Variants in PBX1 observed in about 807,000 individuals in gnomAD.
PBX1 encodes the protein pre-B-cell leukemia transcription factor 1.
Under a neutral mutation model 53.4 loss-of-function variants are expected in PBX1, and 6 were observed. That is an observed-to-expected ratio of 0.11 (90% confidence interval 0.06 to 0.22). PBX1 has a LOEUF of 0.22. PBX1 is among the 10% of genes least tolerant of loss of function. PBX1 has a pLI of 1.00. For missense variants in PBX1, 251 were observed against 551.4 expected, an observed-to-expected ratio of 0.46 and a Z score of 5.46; for synonymous variants, 204 against 212.3, an observed-to-expected ratio of 0.96 and a Z score of 0.34.
intron 2 of PBX1, among the ~76,000 whole-genome samples, chr1:164,634,378 G>T (rs528705216): frequency 1.3e-5 from 2 of 152,284 alleles, no homozygotes; most frequent in Admixed American, 1.3e-4. Flanking sequence ...CACCGATACA[G>T]GTAAGAGCTA....
At chr1:164,602,383 C>T (rs1363845816) in intron 2 of PBX1, among the ~76,000 whole-genome samples, 1 of 152,158 alleles carries the variant, frequency 6.6e-6, no homozygotes. Flanking sequence ...TGAATCTGGT[C>T]TCTACTTAAG....
At chr1:164,668,655 G>A (rs748131711) in intron 2 of PBX1, among the ~76,000 whole-genome samples, 11 of 152,104 alleles carry the variant, frequency 7.2e-5, no homozygotes, top group Non-Finnish European at 1.2e-4. Flanking sequence ...TTCCCCTTTC[G>A]CCTTACCTTC....
intron 2 of PBX1, among the ~76,000 whole-genome samples, chr1:164,741,928 T>C (rs1665635152): frequency 6.6e-6 from 1 of 152,148 alleles, no homozygotes; most frequent in South Asian, 2.1e-4. Flanking sequence ...GTAGATTTTT[T>C]TTTTAACATT....
intron 2 of PBX1, among the ~76,000 whole-genome samples, chr1:164,628,091 C>T (rs1029928966): frequency 1.3e-5 from 2 of 152,018 alleles, no homozygotes; most frequent in Non-Finnish European, 2.9e-5. Flanking sequence ...TTTATGAGTA[C>T]CTGACTTGGA....
intron 2 of PBX1, among the ~76,000 whole-genome samples, chr1:164,694,618 C>T (rs910750035): frequency 1.3e-5 from 2 of 152,162 alleles, no homozygotes; most frequent in Non-Finnish European, 2.9e-5. Context: ...TCATCAATCC[C>T]CATCCACAAC....
Position 164,670,920 on chromosome 1 carries a change from G to A in PBX1, c.265+107609G>A, listed in dbSNP as rs1463405032. ...AGCAGTGCCTTATCTAATGCAAATG[G>A]AGAAAATGCAGTTTCTGGTAAGTGT... On this transcript the variant is annotated intron_variant, in intron 2 of 8. Transcript: ENST00000420696. Among the ~76,000 whole-genome samples, 6 of 152,258 alleles carry A rather than the reference G, an allele frequency of 3.9e-5. No individual in the cohort carries two copies. The South Asian group carries it at 1.2e-3, about 32-fold the overall frequency.
At chr1:164,658,346 A>T (rs887538939) in intron 2 of PBX1, among the ~76,000 whole-genome samples, 13 of 152,294 alleles carry the variant, frequency 8.5e-5, no homozygotes, top group Admixed American at 7.8e-4. Context: ...AGCTCAACTG[A>T]TTGAAAACTG....
chr1:164,607,076 C>A (rs927114421), intron 2 of PBX1, among the ~76,000 whole-genome samples: 5 of 152,334 alleles, frequency 3.3e-5, no homozygotes, highest in Admixed American at 3.3e-4. Context: ...GTCATATGAT[C>A]TGCAGGGCCA....
At chr1:164,671,347 A>G (rs1303861658) in intron 2 of PBX1, among the ~76,000 whole-genome samples, 6 of 152,124 alleles carry the variant, frequency 3.9e-5, no homozygotes, top group Admixed American at 3.9e-4. Context: ...GTTGGTGGTA[A>G]TGGTCTCTCT....
rs150432726 is a variant in PBX1, at chr1:164,787,008, T to C, written c.266-5486T>C. On this transcript the variant is annotated intron_variant, in intron 2 of 8. Coordinates refer to ENST00000420696, the MANE Select transcript of PBX1 (RefSeq NM_002585.4). ...TATGAACAAATAAAAGGTATAACTC[T>C]GATGCTCTCAGGAAGCAAGCATTTT... is the stretch of plus-strand genomic sequence containing the variant. 3.5e-3 allele frequency among the ~76,000 whole-genome samples: 535 copies of C among 152,316 alleles called. 4 individuals are homozygous for C. Among genetic ancestry groups the C allele is most frequent in the Non-Finnish European group, 4.7e-3 (322 of 68,034 alleles).
intron 2 of PBX1, among the ~76,000 whole-genome samples, chr1:164,627,148 C>G (rs942367203): frequency 6.6e-6 from 1 of 152,134 alleles, no homozygotes. Flanking sequence ...AGAACTTCAG[C>G]AAAATGTACT....
At chr1:164,710,856 G>C (rs1324472869) in intron 2 of PBX1, among the ~76,000 whole-genome samples, 1 of 152,206 alleles carries the variant, frequency 6.6e-6, no homozygotes, top group African/African-American at 2.4e-5. Flanking sequence ...GAATATTGAT[G>C]AGAAGGATGA....
At chr1:164,748,616 C>T (rs1666027222) in intron 2 of PBX1, among the ~76,000 whole-genome samples, 1 of 152,154 alleles carries the variant, frequency 6.6e-6, no homozygotes, top group African/African-American at 2.4e-5. Flanking sequence ...ATTTCTATCG[C>T]AAGTTTCAAA....
chr1:164,739,952 A>T (rs1010631189), intron 2 of PBX1, among the ~76,000 whole-genome samples: 3 of 152,230 alleles, frequency 2.0e-5, no homozygotes, highest in African/African-American at 7.2e-5. Flanking sequence ...AAATAAAATG[A>T]AAATACACCT....
intron 2 of PBX1, among the ~76,000 whole-genome samples, chr1:164,595,727 CATCATT>C (rs1655710790): frequency 6.6e-6 from 1 of 152,072 alleles, no homozygotes. Flanking sequence ...TTATTATAAA[CATCATT>C]ATTATTTAGT....
At chr1:164,736,013 C>A (rs1472149968) in intron 2 of PBX1, among the ~76,000 whole-genome samples, 1 of 152,134 alleles carries the variant, frequency 6.6e-6, no homozygotes, top group Non-Finnish European at 1.5e-5. Context: ...AATCCTCCAT[C>A]TCCAGCAGAA....
intron 2 of PBX1, among the ~76,000 whole-genome samples, chr1:164,678,106 G>A (rs1423499706): frequency 6.6e-6 from 1 of 152,136 alleles, no homozygotes; most frequent in Non-Finnish European, 1.5e-5. Flanking sequence ...ATCATTGTGG[G>A]TTCTTGAACA....
intron 2 of PBX1, among the ~76,000 whole-genome samples, chr1:164,615,692 G>C (rs1403974604): frequency 6.6e-6 from 1 of 152,150 alleles, no homozygotes; most frequent in Non-Finnish European, 1.5e-5. Flanking sequence ...ACTGACTTTT[G>C]TGTGGTTTTT....
At chr1:164,742,991 G>A (rs1396578580) in intron 2 of PBX1, among the ~76,000 whole-genome samples, 2 of 152,156 alleles carry the variant, frequency 1.3e-5, no homozygotes, top group African/African-American at 2.4e-5. Flanking sequence ...CCAATAATAC[G>A]ATCCACTCTG....
Sources: gnomAD v4.1 joint callset for allele counts (sites outside exome capture counted in the v4.1 genomes callset) on GRCh38, gnomAD v4.1.1 for gene constraint, MANE v1.5 for transcripts, NCBI Gene and HGNC (gene_info 2026-07-23, HGNC 2026-07-21) for gene names.